The following NUP155 variants were observed in gnomAD, a reference collection of about 807,000 sequenced individuals.
NUP155 encodes nuclear pore complex protein Nup155.
Under a neutral mutation model 180.4 loss-of-function variants are expected in NUP155, and 71 were observed. The observed-to-expected ratio is 0.39, with a 90% confidence interval of 0.33 to 0.48. The LOEUF is 0.48. Ranked by LOEUF, NUP155 falls within the 20% of genes least tolerant of loss-of-function variation. The pLI is 0.91. For missense variants in NUP155, 1,553 were observed against 1,648.9 expected (o/e 0.94, Z 1.01); for synonymous variants, 582 against 559.5 (o/e 1.04, Z -0.57).
intron 24 of NUP155, among the ~76,000 whole-genome samples, chr5:37,307,737 C>A (rs1440280068): frequency 6.6e-6 from 1 of 151,878 alleles, no homozygotes; most frequent in African/African-American, 2.4e-5. Flanking sequence ...GCCTGACCAA[C>A]ATGGTGAAAC....
rs1441457789 is a variant in NUP155, at chr5:37,291,825, A to G, written c.*75T>C. On this transcript the variant is annotated 3_prime_UTR_variant, in exon 35 of 35. Coordinates refer to ENST00000231498, the MANE Select transcript of NUP155 (RefSeq NM_153485.3). The stretch of plus-strand genomic sequence containing the variant: ...AGATTGTTCTTACATTCTTAGATTT[A>G]GAACACCTGATATCTGGACCCAGCT... 7.4e-7 allele frequency: 1 copy of G among 1,354,422 alleles called. No individual in the cohort carries two copies. Among genetic ancestry groups the G allele is most frequent in the African/African-American group, 1.4e-5 (1 of 69,406 alleles). 83.9% of individuals were successfully genotyped at this position (1,354,422 alleles called of 1,614,324 possible).
chr5:37,360,789 G>C (rs574868762), intron 3 of NUP155, among the ~76,000 whole-genome samples: 21 of 150,382 alleles, frequency 1.4e-4, no homozygotes, highest in African/African-American at 4.9e-4. Context: ...AAAAAAAAGG[G>C]GGGGGGGTCC....
chr5:37,344,546 CA>C (rs1385538169), intron 9 of NUP155, among the ~76,000 whole-genome samples: 1 of 145,788 alleles, frequency 6.9e-6, no homozygotes, highest in Non-Finnish European at 1.5e-5. Context: ...AAGAGACTAA[CA>C]ACCAATCCAA....
Position 37,327,695 on chromosome 5 carries a change from G to T in NUP155, c.1958C>A (p.Thr653Asn). Residue 653 changes from threonine (T) to asparagine (N), a missense_variant, in exon 18 of 35, where the codon ACT becomes AAT. Thr to Asn is a moderately conservative substitution (Grantham distance 65, BLOSUM62 0). Transcript: ENST00000231498. The stretch of plus-strand genomic sequence containing the variant: ...TCCAGAGTACACAATCTCTGGTCCA[G>T]TCACACAACTCATATTTGTGGCCTG... ...ATQATNMSCV[T>N]GPEIVYSGKH... The T allele has an allele frequency of 3.1e-6, 5 of 1,614,118 alleles. No individual in the cohort carries two copies. The South Asian group carries it at 5.5e-5, about 18-fold the overall frequency.
In NUP155 at chr5:37,305,113, G is replaced by C; in HGVS notation, c.3001C>G (p.Pro1001Ala). 6.2e-7 allele frequency: 1 copy of C among 1,613,970 alleles called. No individual in the cohort carries two copies. Among genetic ancestry groups the C allele is most frequent in the Non-Finnish European group, 8.5e-7 (1 of 1,180,024 alleles). ...TTTGGATCAGATGACAACACTGGAG[G>C]ACCAGGTTTTTTGGGTACACTGGGA... ...QSPSVPKKPG[P>A]PVLSSDPNML... Residue 1001 changes from proline to alanine, a missense_variant, in exon 26 of 35, where the codon CCT becomes GCT. By Grantham distance (27) the Pro-to-Ala change is conservative. Transcript: ENST00000231498.
At chr5:37,319,399 T>G (rs1479342614) in intron 20 of NUP155, among the ~76,000 whole-genome samples, 1 of 152,166 alleles carries the variant, frequency 6.6e-6, no homozygotes, top group Non-Finnish European at 1.5e-5. Context: ...GAAACTAATG[T>G]TATAGGAATC....
At chr5:37,343,558 G>A (rs1745881073) in intron 9 of NUP155, among the ~76,000 whole-genome samples, 1 of 152,074 alleles carries the variant, frequency 6.6e-6, no homozygotes, top group Admixed American at 6.6e-5. Context: ...TTGGTGGGGA[G>A]CAGTGTTCTC....
At chr5:37,346,545 G>A (rs1427986900) in intron 9 of NUP155, among the ~76,000 whole-genome samples, 5 of 151,910 alleles carry the variant, frequency 3.3e-5, no homozygotes, top group Admixed American at 1.3e-4. Flanking sequence ...GGTGACAGGC[G>A]CCTGTAATTC....
At chr5:37,349,622 C>G (rs962913420) in intron 7 of NUP155, among the ~76,000 whole-genome samples, 1 of 152,018 alleles carries the variant, frequency 6.6e-6, no homozygotes, top group Admixed American at 6.6e-5. Flanking sequence ...ATCCTAGAAA[C>G]ACAGAATAAG....
intron 22 of NUP155, among the ~76,000 whole-genome samples, chr5:37,313,800 G>A (rs1743685424): frequency 6.6e-6 from 1 of 152,172 alleles, no homozygotes; most frequent in Admixed American, 6.5e-5. Flanking sequence ...ATGGTGCCCA[G>A]TCAAGAGTAT....
At chr5:37,357,399 C>CAAAAAAAAAAAAAAA (rs397997409) in intron 4 of NUP155, among the ~76,000 whole-genome samples, 2 of 31,296 alleles carry the variant, frequency 6.4e-5, no homozygotes, top group African/African-American at 1.4e-4. Context: ...ACCTTAATCT[C>CAAAAAAAAAAAAAAA]AAAAAAAAAA....
intron 24 of NUP155, among the ~76,000 whole-genome samples, chr5:37,308,036 G>A (rs1474731335): frequency 2.0e-5 from 3 of 151,630 alleles, no homozygotes; most frequent in Middle Eastern, 3.4e-3. Flanking sequence ...TCCCTACTGG[G>A]GGGAAAAAAA....
Position 37,351,337 on chromosome 5 carries a change from A to G in NUP155, c.576T>C (p.Asp192=). 6.2e-7 allele frequency: 1 copy of G among 1,612,126 alleles called. No homozygotes were observed. The highest frequency in any genetic ancestry group is 1.1e-5 in the South Asian group (1 of 90,988). ...NLQTGSGVLN[D]SLSGGMQLLP... ...GCAACTGCATTCCACCAGACAAACT[A>G]TCATTAAGAACTCCAGAACCTATTT... The change falls in exon 6 of 35, where the codon GAT becomes GAC. Residue 192 remains aspartate, a synonymous_variant. Transcript: ENST00000231498.
intron 22 of NUP155, among the ~76,000 whole-genome samples, chr5:37,313,557 G>A (rs2150951494): frequency 6.6e-6 from 1 of 152,098 alleles, no homozygotes; most frequent in Non-Finnish European, 1.5e-5. Flanking sequence ...CTGGGGTGCA[G>A]TGGCACCATC....
At chr5:37,347,429 C>T (rs1746166750) in intron 9 of NUP155, among the ~76,000 whole-genome samples, 1 of 152,188 alleles carries the variant, frequency 6.6e-6, no homozygotes, top group South Asian at 2.1e-4. Context: ...GGCACGGTGG[C>T]TCACGCCTGT....
intron 9 of NUP155, among the ~76,000 whole-genome samples, chr5:37,343,589 G>T (rs1238683858): frequency 6.6e-6 from 1 of 151,984 alleles, no homozygotes; most frequent in Non-Finnish European, 1.5e-5. Flanking sequence ...TATCATTACT[G>T]CTAATTAAAA....
chr5:37,302,451 G>A (rs1163914025), intron 29 of NUP155, among the ~76,000 whole-genome samples: 1 of 152,168 alleles, frequency 6.6e-6, no homozygotes, highest in African/African-American at 2.4e-5. Flanking sequence ...GGCCAGGCTG[G>A]TCTCGAACTT....
At chr5:37,304,920 C>T (rs1429172530) in intron 26 of NUP155, 77 bp from the exon 27 acceptor site, 1 of 1,501,492 alleles carries the variant, frequency 6.7e-7, no homozygotes, top group Non-Finnish European at 9.3e-7. Flanking sequence ...GCCCTATAAA[C>T]TCCAGTAAGA....
chr5:37,321,708 C>T (rs964022130), intron 20 of NUP155, among the ~76,000 whole-genome samples: 2 of 152,122 alleles, frequency 1.3e-5, no homozygotes, highest in Admixed American at 1.3e-4. Flanking sequence ...CAGAGCAAGA[C>T]TCTGCCTCGG....
Sources: gnomAD v4.1 joint callset for allele counts (sites outside exome capture counted in the v4.1 genomes callset) on GRCh38, gnomAD v4.1.1 for gene constraint, MANE v1.5 for transcripts, NCBI Gene and HGNC (gene_info 2026-07-23, HGNC 2026-07-21) for gene names.